Variants in AGBL4 observed in about 807,000 individuals in gnomAD.
AGBL4 encodes AGBL carboxypeptidase 4, also known as cytosolic carboxypeptidase 6.
Under a neutral mutation model 66.4 loss-of-function variants are expected in AGBL4, and 58 were observed. That is an observed-to-expected ratio of 0.87 (90% CI 0.71 to 1.09). AGBL4 has a LOEUF of 1.09. Among genes scored for constraint, AGBL4 ranks in the 50% least tolerant of loss-of-function variants. AGBL4 has a pLI of 0.00. For missense variants in AGBL4, 579 were observed against 631.0 expected (o/e 0.92, Z 0.88); for synonymous variants, 234 against 222.9 (o/e 1.05, Z -0.44).
At chr1:48,666,625 C>T (rs978338234) in intron 6 of AGBL4, among the ~76,000 whole-genome samples, 40 of 152,170 alleles carry the variant, frequency 2.6e-4, no homozygotes, top group Admixed American at 1.8e-3. Context: ...TATTAGATGG[C>T]CAGGCACTAG....
At chr1:49,521,578 G>A (rs1264601771) in intron 3 of AGBL4, among the ~76,000 whole-genome samples, 2 of 151,948 alleles carry the variant, frequency 1.3e-5, no homozygotes, top group Non-Finnish European at 2.9e-5. Flanking sequence ...AAACAGTGCT[G>A]GGATAACTGG....
intron 4 of AGBL4, among the ~76,000 whole-genome samples, chr1:49,139,398 C>A (rs1278475143): frequency 2.0e-5 from 3 of 152,152 alleles, no homozygotes; most frequent in Non-Finnish European, 4.4e-5. Flanking sequence ...CCAATCCATT[C>A]ATCCATTCTC....
intron 6 of AGBL4, among the ~76,000 whole-genome samples, chr1:48,719,828 C>A (rs570031199): frequency 6.6e-6 from 1 of 152,326 alleles, no homozygotes; most frequent in East Asian, 1.9e-4. Context: ...AAATAAGTAA[C>A]TTGCCTGAGG....
intron 3 of AGBL4, among the ~76,000 whole-genome samples, chr1:49,485,535 C>G (rs1647048337): frequency 6.6e-6 from 1 of 150,472 alleles, no homozygotes; most frequent in Admixed American, 6.6e-5. Context: ...TGCAGCACAC[C>G]AACATGGCAC....
chr1:49,584,271 A>G (rs867419223), intron 3 of AGBL4, among the ~76,000 whole-genome samples: 1 of 152,188 alleles, frequency 6.6e-6, no homozygotes, highest in Non-Finnish European at 1.5e-5. Flanking sequence ...GGTCTTTGAC[A>G]TTAGTTTTTT....
intron 1 of AGBL4, among the ~76,000 whole-genome samples, chr1:49,974,276 A>T (rs958027793): frequency 6.6e-6 from 1 of 152,142 alleles, no homozygotes; most frequent in African/African-American, 2.4e-5. Context: ...AGAAAATATT[A>T]ATAAATAAAA....
chr1:49,572,234 A>C (rs1256224419), intron 3 of AGBL4, among the ~76,000 whole-genome samples: 2 of 152,116 alleles, frequency 1.3e-5, no homozygotes, highest in African/African-American at 4.8e-5. Flanking sequence ...TTTATTACAG[A>C]TTTACTCTCA....
intron 4 of AGBL4, among the ~76,000 whole-genome samples, chr1:49,155,280 T>A (rs1646408793): frequency 6.6e-6 from 1 of 152,138 alleles, no homozygotes; most frequent in African/African-American, 2.4e-5. Context: ...AGAGCCAAAA[T>A]GTGCATCCAA....
intron 5 of AGBL4, among the ~76,000 whole-genome samples, chr1:48,914,596 A>G (rs1411517993): frequency 6.6e-6 from 1 of 152,252 alleles, no homozygotes; most frequent in Non-Finnish European, 1.5e-5. Context: ...TTCATAACAC[A>G]GGCATGTAGT....
intron 2 of AGBL4, among the ~76,000 whole-genome samples, chr1:49,835,047 T>C (rs1427589472): frequency 3.3e-5 from 5 of 152,232 alleles, no homozygotes; most frequent in Admixed American, 2.0e-4. Context: ...ATGTATATTC[T>C]ATTGATTTGG....
intron 4 of AGBL4, among the ~76,000 whole-genome samples, chr1:49,135,176 C>A (rs1645985257): frequency 6.6e-6 from 1 of 151,662 alleles, no homozygotes; most frequent in African/African-American, 2.4e-5. Context: ...TATAGGTATA[C>A]AATATATGTA....
chr1:49,747,792 G>T (rs1012504346), intron 2 of AGBL4, among the ~76,000 whole-genome samples: 1 of 152,032 alleles, frequency 6.6e-6, no homozygotes, highest in Non-Finnish European at 1.5e-5. Flanking sequence ...TAGAAGGCAG[G>T]CAAATGTTTA....
intron 3 of AGBL4, among the ~76,000 whole-genome samples, chr1:49,463,315 C>A (rs1646555366): frequency 6.6e-6 from 1 of 151,580 alleles, no homozygotes; most frequent in Non-Finnish European, 1.5e-5. Context: ...CAGAGACAGT[C>A]CTAGTTTATG....
At chr1:49,387,404 A>T (rs928889243) in intron 3 of AGBL4, among the ~76,000 whole-genome samples, 12 of 151,948 alleles carry the variant, frequency 7.9e-5, no homozygotes, top group African/African-American at 2.7e-4. Flanking sequence ...AACCTACTTT[A>T]TTAAAGTTTT....
At chr1:48,779,454 CA>C (rs1645235168) in intron 6 of AGBL4, among the ~76,000 whole-genome samples, 1 of 152,142 alleles carries the variant, frequency 6.6e-6, no homozygotes, top group African/African-American at 2.4e-5. Flanking sequence ...AAGCCTTTCC[CA>C]ACCACCCACA....
intron 1 of AGBL4, among the ~76,000 whole-genome samples, chr1:49,905,649 A>G (rs1650201511): frequency 1.3e-5 from 2 of 152,184 alleles, no homozygotes; most frequent in African/African-American, 4.8e-5. Context: ...TGTGATTAAG[A>G]GAATCAAAAT....
intron 6 of AGBL4, among the ~76,000 whole-genome samples, chr1:48,675,354 G>A (rs1646347982): frequency 6.6e-6 from 1 of 152,188 alleles, no homozygotes. Context: ...AGCCTGAAAT[G>A]TCTCCATGCC....
At chr1:49,128,371 A>T (rs947747437) in intron 4 of AGBL4, among the ~76,000 whole-genome samples, 23 of 152,092 alleles carry the variant, frequency 1.5e-4, no homozygotes, top group Admixed American at 1.2e-3. Flanking sequence ...TCTGTAATTT[A>T]TATAGCAATG....
intron 3 of AGBL4, among the ~76,000 whole-genome samples, chr1:49,309,126 A>G (rs1007547723): frequency 1.3e-5 from 2 of 152,180 alleles, no homozygotes; most frequent in East Asian, 3.9e-4. Flanking sequence ...GCTGGAAGGT[A>G]GGAAATGAGT....
Sources: allele counts gnomAD v4.1 joint callset (sites outside exome capture counted in the v4.1 genomes callset), GRCh38; gene constraint gnomAD v4.1.1; transcripts MANE v1.5; gene names NCBI Gene and HGNC (gene_info 2026-07-23, HGNC 2026-07-21).